Variants in GLIS3 observed in about 807,000 individuals in gnomAD.
GLIS3 encodes the protein zinc finger protein GLIS3.
A neutral mutation model predicts 78.6 loss-of-function variants in GLIS3; 53 were observed. The ratio of observed to expected loss-of-function variants is 0.67; its 90% CI spans 0.54 to 0.85. The LOEUF (loss-of-function observed/expected upper bound fraction) is 0.85, where lower values mean the gene tolerates loss of function less well. GLIS3 is among the 40% of genes least tolerant of loss of function. The pLI is 0.00. For synonymous variants in GLIS3, 684 were observed against 509.9 expected, an observed-to-expected ratio of 1.34 and a Z score of -4.60; for missense variants, 1,703 against 1,231.1, an observed-to-expected ratio of 1.38 and a Z score of -5.74.
intron 2 of GLIS3, among the ~76,000 whole-genome samples, chr9:4,240,198 G>A (rs983535691): frequency 4.2e-5 from 1 of 24,078 alleles, no homozygotes; most frequent in Non-Finnish European, 9.9e-5. Context: ...GGGGAGGTGG[G>A]GGGGGGGGAT....
chr9:3,928,265 A>G (rs947805264), intron 6 of GLIS3, among the ~76,000 whole-genome samples: 1 of 152,194 alleles, frequency 6.6e-6, no homozygotes, highest in Admixed American at 6.5e-5. Context: ...TAATAGTATG[A>G]CTGATTTTTA....
At chr9:4,033,694 G>A (rs1042369285) in intron 4 of GLIS3, among the ~76,000 whole-genome samples, 3 of 152,002 alleles carry the variant, frequency 2.0e-5, no homozygotes, top group Non-Finnish European at 4.4e-5. Flanking sequence ...AAGTTCAAGG[G>A]CAGGTACTAA....
the GLIS3 span, among the ~76,000 whole-genome samples, chr9:4,407,360 A>T: frequency 6.6e-6 from 1 of 152,178 alleles, no homozygotes; most frequent in Non-Finnish European, 1.5e-5. Flanking sequence ...ACACTGGAAA[A>T]ACTGACCGGG....
chr9:4,173,728 C>G (rs1816580439), intron 2 of GLIS3, among the ~76,000 whole-genome samples: 1 of 152,116 alleles, frequency 6.6e-6, no homozygotes, highest in Admixed American at 6.6e-5. Flanking sequence ...TCCGGAGTAG[C>G]TGGAACTACA....
intron 5 of GLIS3, among the ~76,000 whole-genome samples, chr9:3,935,054 A>G (rs1386909928): frequency 2.0e-5 from 3 of 152,174 alleles, no homozygotes; most frequent in Non-Finnish European, 4.4e-5. Context: ...TGGGAAAACC[A>G]TTTTTCTACA....
At chr9:4,320,635 A>G (rs1183267163) in intron 2 of GLIS3, among the ~76,000 whole-genome samples, 1 of 151,964 alleles carries the variant, frequency 6.6e-6, no homozygotes, top group African/African-American at 2.4e-5. Flanking sequence ...CTACACCATC[A>G]CCATCATTAC....
In GLIS3 at chr9:4,110,470, GCT is replaced by G. The variant is rs1288753150; in HGVS notation, c.1710+7296_1710+7297del. On this transcript the variant is annotated intron_variant, in intron 4 of 10. Transcript: ENST00000381971. ...CAGATTAACCATTCTCCCTACTCAAGCTCAGAACCTGTGGCCCAAGAAAAGGA... is the reference window on the plus strand; with the variant it reads ...CAGATTAACCATTCTCCCTACTCAAGCAGAACCTGTGGCCCAAGAAAAGGA... Among the ~76,000 whole-genome samples, 3 of 152,162 alleles carry G rather than the reference GCT, an allele frequency of 2.0e-5. No homozygotes were observed. The South Asian group carries it at 6.2e-4, about 32-fold the overall frequency.
At chr9:4,187,496 T>G (rs1817915764) in intron 2 of GLIS3, among the ~76,000 whole-genome samples, 1 of 152,162 alleles carries the variant, frequency 6.6e-6, no homozygotes, top group African/African-American at 2.4e-5. Flanking sequence ...TTTGGTTCCA[T>G]ATGAACTTTA....
chr9:4,384,924 G>A, the GLIS3 span, among the ~76,000 whole-genome samples: 2 of 151,578 alleles, frequency 1.3e-5, no homozygotes, highest in Non-Finnish European at 2.9e-5. Flanking sequence ...GGTCCTAACT[G>A]TCATTGTAAC....
rs141833950 is a variant in GLIS3, at chr9:3,935,973, T to C, written c.1872+1055A>G. Among the ~76,000 whole-genome samples the C allele has an allele frequency of 1.3e-3, 199 of 152,316 alleles. 1 individual carries two copies. Among genetic ancestry groups the C allele is most frequent in the African/African-American group, 4.5e-3 (186 of 41,570 alleles). ...CTAAAATGACTTCTATGAATATGAC[T>C]AATAGAGACTAATATAAAATTTAAT... On this transcript the variant is annotated intron_variant, in intron 5 of 10. Transcript: ENST00000381971.
At chr9:4,408,599 C>T in the GLIS3 span, among the ~76,000 whole-genome samples, 3 of 148,296 alleles carry the variant, frequency 2.0e-5, no homozygotes, top group East Asian at 2.0e-4. Flanking sequence ...CGGTGGCGGG[C>T]GCCTGTAGTC....
chr9:4,395,175 G>T, the GLIS3 span, among the ~76,000 whole-genome samples: 1 of 152,152 alleles, frequency 6.6e-6, no homozygotes, highest in Non-Finnish European at 1.5e-5. Context: ...TTGGGCCCAT[G>T]AATTTAAGTC....
At chr9:4,458,327 T>TC in the GLIS3 span, among the ~76,000 whole-genome samples, 1 of 152,120 alleles carries the variant, frequency 6.6e-6, no homozygotes, top group Non-Finnish European at 1.5e-5. Flanking sequence ...GGCAAAGGTC[T>TC]CCCCTCAAGG....
intron 4 of GLIS3, among the ~76,000 whole-genome samples, chr9:4,037,853 T>A (rs1253210868): frequency 6.6e-6 from 1 of 152,154 alleles, no homozygotes; most frequent in Non-Finnish European, 1.5e-5. Flanking sequence ...GAACTATTAT[T>A]ATGACAGCTG....
intron 4 of GLIS3, among the ~76,000 whole-genome samples, chr9:4,096,109 A>C (rs1829924863): frequency 1.3e-5 from 2 of 152,194 alleles, no homozygotes; most frequent in African/African-American, 2.4e-5. Context: ...AAATAAGGAG[A>C]AAAAAACAAA....
the GLIS3 span, among the ~76,000 whole-genome samples, chr9:4,426,672 T>G: frequency 6.6e-6 from 1 of 152,218 alleles, no homozygotes; most frequent in Admixed American, 6.5e-5. Flanking sequence ...AGCAAAATAT[T>G]TGAACCTTTG....
chr9:3,922,311 C>G (rs1824943487), intron 6 of GLIS3, among the ~76,000 whole-genome samples: 1 of 152,016 alleles, frequency 6.6e-6, no homozygotes, highest in Admixed American at 6.6e-5. Context: ...TTGCATATGA[C>G]AGGAAAAAAT....
the GLIS3 span, among the ~76,000 whole-genome samples, chr9:4,424,478 A>G: frequency 6.6e-6 from 1 of 152,296 alleles, no homozygotes; most frequent in African/African-American, 2.4e-5. Context: ...ATAATCTTTA[A>G]AGGTCTAACG....
chr9:3,841,220 C>A (rs1393037833), intron 9 of GLIS3, among the ~76,000 whole-genome samples: 1 of 152,160 alleles, frequency 6.6e-6, no homozygotes, highest in African/African-American at 2.4e-5. Context: ...CCAAAGTAAA[C>A]TAATTGCAGT....
Sources: gnomAD v4.1 joint callset for allele counts (sites outside exome capture counted in the v4.1 genomes callset) on GRCh38, gnomAD v4.1.1 for gene constraint, MANE v1.5 for transcripts, NCBI Gene and HGNC (gene_info 2026-07-23, HGNC 2026-07-21) for gene names.